Variants in FRAS1 observed in about 807,000 individuals in gnomAD.
FRAS1 encodes extracellular matrix organizing protein FRAS1.
Under a neutral mutation model 435.2 loss-of-function variants are expected in FRAS1, and 290 were observed. The ratio of observed to expected loss-of-function variants is 0.67; its 90% confidence interval spans 0.61 to 0.73. The LOEUF is 0.73. Ranked by LOEUF, FRAS1 falls within the 30% of genes least tolerant of loss-of-function variation. FRAS1 has a pLI of 0.00. For synonymous variants in FRAS1, 1,800 were observed against 1,851.0 expected (o/e 0.97, Z 0.71); for missense variants, 4,860 against 5,001.5 (o/e 0.97, Z 0.85).
intron 2 of FRAS1, among the ~76,000 whole-genome samples, chr4:78,122,639 T>A (rs942786257): frequency 6.6e-6 from 1 of 152,194 alleles, no homozygotes; most frequent in African/African-American, 2.4e-5. Flanking sequence ...CCAGCATCTG[T>A]TGTTTCCTGA....
At chr4:78,525,815 G>T (rs1168898978) in intron 69 of FRAS1, among the ~76,000 whole-genome samples, 1 of 152,214 alleles carries the variant, frequency 6.6e-6, no homozygotes, top group Admixed American at 6.5e-5. Flanking sequence ...CGAAATAGGA[G>T]AGAGGTCCAA....
chr4:78,486,954 C>G (rs1320245785), intron 58 of FRAS1, among the ~76,000 whole-genome samples: 1 of 151,726 alleles, frequency 6.6e-6, no homozygotes, highest in Non-Finnish European at 1.5e-5. Context: ...ATGACCAAAC[C>G]TAAACATAAC....
chr4:78,339,083 A>G (rs1397258494), intron 20 of FRAS1, among the ~76,000 whole-genome samples: 3 of 152,182 alleles, frequency 2.0e-5, no homozygotes, highest in Admixed American at 1.3e-4. Flanking sequence ...TATCAGCTGT[A>G]GGATGTGAGT....
chr4:78,077,864 G>A (rs1740722478), intron 2 of FRAS1, among the ~76,000 whole-genome samples: 1 of 150,182 alleles, frequency 6.7e-6, no homozygotes, highest in African/African-American at 2.5e-5. Flanking sequence ...AAATGGCCAT[G>A]TTGCTTTATT....
chr4:78,084,835 C>A (rs912648633), intron 2 of FRAS1, among the ~76,000 whole-genome samples: 1 of 152,022 alleles, frequency 6.6e-6, no homozygotes, highest in Non-Finnish European at 1.5e-5. Flanking sequence ...TTGGCTGTTA[C>A]AGTGAACAGA....
intron 29 of FRAS1, among the ~76,000 whole-genome samples, chr4:78,391,045 A>G (rs10023999): frequency 2.2e-4 from 33 of 151,964 alleles, no homozygotes; most frequent in African/African-American, 8.0e-4. Context: ...TTTTTTTTGG[A>G]TGGATGGGTA....
intron 2 of FRAS1, among the ~76,000 whole-genome samples, chr4:78,154,029 T>G (rs35967777): frequency 0.13 from 19,054 of 152,214 alleles, 1,305 homozygotes; most frequent in Admixed American, 0.17. Context: ...AGCAGAAATT[T>G]TTATTTCTAA....
At chr4:78,077,197 A>AACACACACACACACACACACACACAC (rs10535451) in intron 2 of FRAS1, among the ~76,000 whole-genome samples, 5 of 150,050 alleles carry the variant, frequency 3.3e-5, no homozygotes, top group African/African-American at 9.8e-5. Flanking sequence ...GACACACAGA[A>AACACACACACACACACACACACACAC]ACACACACAC....
At chr4:78,366,277 G>T (rs531414680) in intron 22 of FRAS1, among the ~76,000 whole-genome samples, 1 of 152,312 alleles carries the variant, frequency 6.6e-6, no homozygotes, top group Non-Finnish European at 1.5e-5. Context: ...ATAGTGCTTT[G>T]GTATTGGAGG....
intron 2 of FRAS1, among the ~76,000 whole-genome samples, chr4:78,198,322 G>A (rs1244941807): frequency 6.6e-6 from 1 of 152,102 alleles, no homozygotes; most frequent in African/African-American, 2.4e-5. Flanking sequence ...GAGGTCCCGT[G>A]GGCATACAGC....
Position 78,233,987 on chromosome 4 carries a change from T to G in FRAS1, c.109-3523T>G, listed in dbSNP as rs567642275. On this transcript the variant is annotated intron_variant, in intron 2 of 73. Transcript: ENST00000512123. ...CAGCCTTGCAGGAAGATGGCAGAGG[T>G]GGGAAAAGCCACCCTCCCTCTATTC... is the stretch of plus-strand genomic sequence containing the variant. Among the ~76,000 whole-genome samples the G allele has an allele frequency of 7.2e-5, 11 of 152,156 alleles. No individual in the cohort carries two copies. In the East Asian group the frequency reaches 2.1e-3, roughly 29 times the overall value.
intron 47 of FRAS1, among the ~76,000 whole-genome samples, chr4:78,462,741 C>A (rs1486891122): frequency 6.6e-6 from 1 of 152,176 alleles, no homozygotes; most frequent in Non-Finnish European, 1.5e-5. Context: ...TGCAACATTT[C>A]TTGCCTGTCA....
intron 32 of FRAS1, among the ~76,000 whole-genome samples, 184 bp from the exon 33 acceptor site, chr4:78,418,765 G>C (rs1428574939): frequency 6.6e-6 from 1 of 152,092 alleles, no homozygotes; most frequent in African/African-American, 2.4e-5. Flanking sequence ...AACCTAGGAG[G>C]GGAGGCTTAG....
chr4:78,303,121 T>A (rs1380218289), intron 14 of FRAS1, among the ~76,000 whole-genome samples: 2 of 152,216 alleles, frequency 1.3e-5, no homozygotes, highest in Admixed American at 1.3e-4. Flanking sequence ...GGGAATCCTT[T>A]CCCCATTGCT....
intron 20 of FRAS1, among the ~76,000 whole-genome samples, chr4:78,362,219 C>G (rs1377705585): frequency 6.6e-6 from 1 of 152,188 alleles, no homozygotes; most frequent in Non-Finnish European, 1.5e-5. Context: ...CCAAAATTTT[C>G]CAGCAACTCA....
chr4:78,093,006 C>T (rs185307869), intron 2 of FRAS1, among the ~76,000 whole-genome samples: 133 of 152,262 alleles, frequency 8.7e-4, no homozygotes, highest in African/African-American at 3.0e-3. Flanking sequence ...TTAACCTTTC[C>T]TTTTTGTGTA....
Position 78,477,996 on chromosome 4 carries a change from T to G in FRAS1, c.8033T>G (p.Phe2678Cys). 1 of 1,610,196 alleles carries G rather than the reference T, an allele frequency of 6.2e-7. No homozygotes were observed. Among genetic ancestry groups the G allele is most frequent in the Non-Finnish European group, 8.5e-7 (1 of 1,178,292 alleles). Residue 2678 changes from phenylalanine (F) to cysteine (C), a missense_variant, in exon 55 of 74, where the codon TTT (phenylalanine) becomes TGT (cysteine). Physicochemically the swap from Phe to Cys is radical, Grantham distance 205 (BLOSUM62 -2). Coordinates refer to ENST00000512123, the MANE Select transcript of FRAS1 (RefSeq NM_025074.7). The stretch of plus-strand genomic sequence containing the variant: ...ACCGAGGATGAACCCACATTAGAGT[T>G]TGACAAGAAGATCTACTGGGTTAAC... ...NDTEDEPTLE[F>C]DKKIYWVNES...
Position 78,327,407 on chromosome 4 carries a change from TA to T in FRAS1, c.2138-5864del, listed in dbSNP as rs1729764223. On this transcript the variant is annotated intron_variant, in intron 18 of 73. Transcript: ENST00000512123. Reference sequence around the variant, plus strand: ...CAGGAAATTTTGTATGATATGAAAGTAGGGACACTTTATCACTTTTGTTGTA... The same window carrying T: ...CAGGAAATTTTGTATGATATGAAAGTGGGACACTTTATCACTTTTGTTGTA... Among the ~76,000 whole-genome samples the T allele has an allele frequency of 2.0e-5, 3 of 152,230 alleles. No individual in the cohort carries two copies. The South Asian group carries it at 6.2e-4, about 32-fold the overall frequency.
At chr4:78,416,568 A>G (rs769484881) in intron 32 of FRAS1, among the ~76,000 whole-genome samples, 1 of 152,108 alleles carries the variant, frequency 6.6e-6, no homozygotes. Context: ...TCAGGAATGT[A>G]CAAGGACTTT....
Sources: allele counts gnomAD v4.1 joint callset (sites outside exome capture counted in the v4.1 genomes callset), GRCh38; gene constraint gnomAD v4.1.1; transcripts MANE v1.5; gene names NCBI Gene and HGNC (gene_info 2026-07-23, HGNC 2026-07-21).